The following TRDN variants were observed in gnomAD, a reference collection of about 807,000 sequenced individuals.
The protein encoded by TRDN is triadin.
A neutral mutation model predicts 149.7 loss-of-function variants in TRDN; 161 were observed. The observed-to-expected ratio is 1.08, with a 90% CI of 0.95 to 1.23. TRDN has a LOEUF of 1.23. TRDN is among the 50% of genes most tolerant of loss of function. The pLI, the probability that TRDN is intolerant of heterozygous loss-of-function variation, is 0.00. For synonymous variants in TRDN, 294 were observed against 250.5 expected (o/e 1.17, Z -1.64); for missense variants, 896 against 823.5 (o/e 1.09, Z -1.08).
At chr6:123,349,921 A>G in intron 21 of TRDN, 1 of 982,946 alleles carries the variant, frequency 1.0e-6, no homozygotes, top group Non-Finnish European at 1.2e-6. Context: ...AAACACTATT[A>G]CAATTATGTA....
At chr6:123,627,457 T>C (rs1266327434) in intron 1 of TRDN, among the ~76,000 whole-genome samples, 3 of 152,188 alleles carry the variant, frequency 2.0e-5, no homozygotes, top group Non-Finnish European at 4.4e-5. Flanking sequence ...CAGTAAACTA[T>C]GTTGTAAACA....
intron 23 of TRDN, among the ~76,000 whole-genome samples, chr6:123,322,947 C>G (rs991575449): frequency 6.6e-6 from 1 of 152,130 alleles, no homozygotes. Context: ...CCTGTCCCAC[C>G]TTTTTTCACT....
chr6:123,258,533 T>A (rs1482879737), intron 35 of TRDN, among the ~76,000 whole-genome samples: 1 of 152,206 alleles, frequency 6.6e-6, no homozygotes, highest in Non-Finnish European at 1.5e-5. Flanking sequence ...TGGATTCGGA[T>A]TGCCAGTGTT....
chr6:123,369,242 C>T (rs1781230100), intron 19 of TRDN, among the ~76,000 whole-genome samples: 1 of 152,114 alleles, frequency 6.6e-6, no homozygotes, highest in African/African-American at 2.4e-5. Flanking sequence ...ATTTCCTCTT[C>T]TTTTAAGGAT....
intron 23 of TRDN, among the ~76,000 whole-genome samples, chr6:123,318,484 T>G (rs986494145): frequency 7.9e-5 from 12 of 152,152 alleles, no homozygotes; most frequent in African/African-American, 2.9e-4. Flanking sequence ...CCTATTTCCC[T>G]TCACCCGGGT....
intron 4 of TRDN, among the ~76,000 whole-genome samples, chr6:123,543,761 T>C (rs1780970725): frequency 6.6e-6 from 1 of 152,138 alleles, no homozygotes; most frequent in South Asian, 2.1e-4. Flanking sequence ...GTTGATGGAC[T>C]CCAAACACTA....
intron 19 of TRDN, among the ~76,000 whole-genome samples, chr6:123,368,390 A>G (rs935757681): frequency 6.6e-6 from 1 of 152,176 alleles, no homozygotes; most frequent in Non-Finnish European, 1.5e-5. Flanking sequence ...TATGAATATT[A>G]TTAAGAATCA....
chr6:123,516,605 A>G (rs561265308), intron 5 of TRDN, among the ~76,000 whole-genome samples: 1 of 152,256 alleles, frequency 6.6e-6, no homozygotes, highest in South Asian at 2.1e-4. Context: ...CTGATCTTGA[A>G]GCAAAGAACT....
At chr6:123,470,150 T>C (rs1259490119) in intron 9 of TRDN, 1 of 152,220 alleles carries the variant, frequency 6.6e-6, no homozygotes, top group East Asian at 1.9e-4. Flanking sequence ...TGTATTTTTT[T>C]CTATTTTCTC....
Position 123,450,694 on chromosome 6 carries a change from A to G in TRDN, c.932-11691T>C, listed in dbSNP as rs535418692. ...ACTGACAGCACTAAACTGATCATCA[A>G]GACAGAAAATCAACAAAGAAACAAT... On this transcript the variant is annotated intron_variant, in intron 10 of 40. Transcript: ENST00000334268. Among the ~76,000 whole-genome samples the G allele has an allele frequency of 2.0e-5, 3 of 152,296 alleles. No individual in the cohort carries two copies. The South Asian group carries it at 6.2e-4, about 32-fold the overall frequency.
At chr6:123,298,211 C>A (rs1778278435) in intron 24 of TRDN, among the ~76,000 whole-genome samples, 1 of 151,942 alleles carries the variant, frequency 6.6e-6, no homozygotes, top group Non-Finnish European at 1.5e-5. Flanking sequence ...ATGAAACTAG[C>A]CATCTCTATT....
intron 4 of TRDN, among the ~76,000 whole-genome samples, chr6:123,545,118 A>G (rs536667020): frequency 1.3e-5 from 2 of 152,130 alleles, no homozygotes; most frequent in South Asian, 4.1e-4. Flanking sequence ...TTTAGGCAAT[A>G]AAAAATGACT....
chr6:123,623,758 A>G (rs1785513597), intron 1 of TRDN, among the ~76,000 whole-genome samples: 1 of 152,116 alleles, frequency 6.6e-6, no homozygotes, highest in Admixed American at 6.6e-5. Context: ...ATGTTAACAT[A>G]AGTTCTCCTC....
chr6:123,268,975 T>G (rs1777113543), intron 31 of TRDN, among the ~76,000 whole-genome samples: 1 of 151,968 alleles, frequency 6.6e-6, no homozygotes, highest in African/African-American at 2.4e-5. Context: ...CCTAAACCAC[T>G]TATATGTATT....
rs144563551 is a variant in TRDN at position 123,438,905 on chromosome 6, T to C, written c.991+39A>G. 587 of 1,471,236 alleles carry C rather than the reference T, an allele frequency of 4.0e-4. 5 individuals carry two copies. The African/African-American group carries it at 7.4e-3, about 19-fold the overall frequency. 91.1% of individuals were successfully genotyped at this position (1,471,236 alleles called of 1,614,324 possible). A position where few individuals can be genotyped will look rare whatever the true frequency, so the allele number is the denominator to read the frequency against. ...TACCAGTAGTATTATGCATGGACAC[T>C]AATTGATTTATGTGGTACATGGCTT... On this transcript the variant is annotated intron_variant, in intron 11 of 40. Transcript: ENST00000334268.
chr6:123,428,276 T>A (rs565355314), intron 12 of TRDN, among the ~76,000 whole-genome samples: 1 of 152,300 alleles, frequency 6.6e-6, no homozygotes, highest in African/African-American at 2.4e-5. Context: ...AGTTCAGGAA[T>A]GGGCCTATGA....
rs568864224 is a variant in TRDN, at chr6:123,444,441, A to G, written c.932-5438T>C. Among the ~76,000 whole-genome samples the G allele has an allele frequency of 1.4e-3, 209 of 149,164 alleles. 6 individuals carry two copies. In the South Asian group the frequency reaches 0.044, roughly 32 times the overall value. Reference sequence around the variant, plus strand: ...TTGGGCTGAGACAATGGGGTTTTCTAGATATACAATCATGTCGTCTGCAAA... The same window carrying G: ...TTGGGCTGAGACAATGGGGTTTTCTGGATATACAATCATGTCGTCTGCAAA... On this transcript the variant is annotated intron_variant, in intron 10 of 40. Transcript: ENST00000334268.
chr6:123,300,265 T>C (rs1165659752), intron 24 of TRDN, among the ~76,000 whole-genome samples: 3 of 151,916 alleles, frequency 2.0e-5, no homozygotes, highest in African/African-American at 7.2e-5. Context: ...TAAATTCCCA[T>C]AAAGTACATA....
intron 1 of TRDN, among the ~76,000 whole-genome samples, chr6:123,583,396 C>G (rs1321393244): frequency 6.6e-6 from 1 of 152,030 alleles, no homozygotes; most frequent in African/African-American, 2.4e-5. Flanking sequence ...TGGGCTGTAC[C>G]TTGTAGTATT....
Sources: allele counts gnomAD v4.1 joint callset (sites outside exome capture counted in the v4.1 genomes callset), GRCh38; gene constraint gnomAD v4.1.1; transcripts MANE v1.5; gene names NCBI Gene and HGNC (gene_info 2026-07-23, HGNC 2026-07-21).